CMTM8: variants seen among roughly 807,000 people sequenced by gnomAD.
CMTM8 encodes CKLF-like MARVEL transmembrane domain-containing protein 8.
CMTM8 carries 12 observed loss-of-function variants against 18.6 expected under a neutral mutation model. The observed-to-expected ratio is 0.65, with a 90% confidence interval of 0.41 to 1.05. CMTM8 has a LOEUF of 1.05. CMTM8 is among the 50% of genes least tolerant of loss of function. The pLI, the probability that CMTM8 is intolerant of heterozygous loss-of-function variation, is 0.00. For synonymous variants in CMTM8, 87 were observed against 90.6 expected (o/e 0.96, Z 0.23); for missense variants, 217 against 227.2 (o/e 0.95, Z 0.29).
chr3:32,296,855 G>T (rs1702888044), intron 1 of CMTM8, among the ~76,000 whole-genome samples: 1 of 152,046 alleles, frequency 6.6e-6, no homozygotes. Context: ...GCGGCAGACT[G>T]TGTGTTATTG....
At chr3:32,260,318 C>T in intron 1 of CMTM8, 1 of 651,692 alleles carries the variant, frequency 1.5e-6, no homozygotes, top group Non-Finnish European at 2.7e-6. Context: ...ATCTCGCTAA[C>T]AAAGCTAAAT....
At chr3:32,362,133 C>T (rs1037489052) in intron 2 of CMTM8, among the ~76,000 whole-genome samples, 12 of 147,560 alleles carry the variant, frequency 8.1e-5, no homozygotes, top group Non-Finnish European at 5.9e-5. Flanking sequence ...CTCCGCCTCC[C>T]GGGTTCAAAC....
At chr3:32,260,801 A>G (rs1215296710) in intron 1 of CMTM8, among the ~76,000 whole-genome samples, 1 of 152,084 alleles carries the variant, frequency 6.6e-6, no homozygotes, top group Non-Finnish European at 1.5e-5. Context: ...TATAACACAT[A>G]GATTAATTTT....
At chr3:32,297,048 A>T (rs963819421) in intron 1 of CMTM8, among the ~76,000 whole-genome samples, 1 of 152,216 alleles carries the variant, frequency 6.6e-6, no homozygotes, top group African/African-American at 2.4e-5. Context: ...AACAGAGAGA[A>T]AAACATCCCC....
At chr3:32,239,963 CA>C (rs1231197949) in intron 1 of CMTM8, among the ~76,000 whole-genome samples, 9 of 152,234 alleles carry the variant, frequency 5.9e-5, no homozygotes, top group African/African-American at 2.2e-4. Context: ...GATGGTGAAG[CA>C]TGGATTCAAA....
intron 1 of CMTM8, among the ~76,000 whole-genome samples, chr3:32,281,755 A>G (rs1363358690): frequency 6.6e-6 from 1 of 152,194 alleles, no homozygotes; most frequent in African/African-American, 2.4e-5. Flanking sequence ...CTGTTTTGCC[A>G]AGCCAAATGG....
intron 1 of CMTM8, among the ~76,000 whole-genome samples, chr3:32,310,177 C>G (rs887703289): frequency 6.6e-6 from 1 of 151,172 alleles, no homozygotes; most frequent in Non-Finnish European, 1.5e-5. Context: ...TTCTGTAAAT[C>G]GAATTTATCA....
intron 1 of CMTM8, among the ~76,000 whole-genome samples, chr3:32,277,969 T>C (rs533052180): frequency 1.3e-5 from 2 of 152,328 alleles, no homozygotes; most frequent in East Asian, 3.9e-4. Context: ...AAACTTGTTT[T>C]TCTGTCATGA....
In CMTM8 at chr3:32,259,468, T is replaced by C; in HGVS notation, c.147+20349T>C. ...AGACAGAACTGGCCATGTGCCAGTCTTTGGAGAATGACATTCATGGGCTCT... is the reference window on the plus strand; with the variant it reads ...AGACAGAACTGGCCATGTGCCAGTCCTTGGAGAATGACATTCATGGGCTCT... On this transcript the variant is annotated intron_variant, in intron 1 of 3. Transcript: ENST00000307526. 5.1e-6 allele frequency: 4 copies of C among 784,392 alleles called. No homozygotes were observed. In the Admixed American group the frequency reaches 6.8e-5, roughly 13 times the overall value. 48.6% of individuals were successfully genotyped at this position (784,392 alleles called of 1,614,324 possible). A position where few individuals can be genotyped will look rare whatever the true frequency, so the allele number is the denominator to read the frequency against.
intron 1 of CMTM8, among the ~76,000 whole-genome samples, chr3:32,254,833 A>G (rs1702156557): frequency 6.6e-6 from 1 of 152,162 alleles, no homozygotes; most frequent in Non-Finnish European, 1.5e-5. Context: ...AATCATCTAC[A>G]CTACAACTAC....
intron 1 of CMTM8, among the ~76,000 whole-genome samples, chr3:32,246,650 T>C (rs992297572): frequency 2.0e-5 from 3 of 152,222 alleles, no homozygotes; most frequent in African/African-American, 7.2e-5. Context: ...CACATAGTAT[T>C]CCATAAATAT....
At chr3:32,327,048 ATGGCTTCCTTAGTTGTCCTGGTGT>A (rs1696174026) in intron 1 of CMTM8, among the ~76,000 whole-genome samples, 9 of 151,954 alleles carry the variant, frequency 5.9e-5, no homozygotes, top group Admixed American at 3.3e-4. Flanking sequence ...GGCCTTGTGC[ATGGCTTCCTTAGTTGTCCTGGTGT>A]CCAGTAACCT....
intron 1 of CMTM8, among the ~76,000 whole-genome samples, chr3:32,347,337 C>G (rs1260822152): frequency 7.0e-6 from 1 of 143,334 alleles, no homozygotes; most frequent in Non-Finnish European, 1.5e-5. Context: ...TATAGACACT[C>G]TGTTTCTAGA....
intron 1 of CMTM8, among the ~76,000 whole-genome samples, chr3:32,258,708 A>G (rs563352793): frequency 6.6e-6 from 1 of 152,112 alleles, no homozygotes; most frequent in East Asian, 1.9e-4. Flanking sequence ...ATGGGGTCTC[A>G]GTTTGGTGCC....
intron 1 of CMTM8, among the ~76,000 whole-genome samples, chr3:32,331,705 T>TA (rs1242794003): frequency 2.6e-5 from 4 of 152,262 alleles, no homozygotes; most frequent in Admixed American, 6.5e-5. Context: ...TTATTCAGCC[T>TA]AAAAAAGGAA....
Position 32,367,873 on chromosome 3 carries a change from G to C in CMTM8, c.323G>C (p.Gly108Ala), listed in dbSNP as rs1697069124. The change falls in exon 3 of 4, where the codon GGC (glycine) becomes GCC (alanine). Residue 108 changes from glycine to alanine, a missense_variant and splice_region_variant. Gly to Ala is a moderately conservative substitution (Grantham distance 60). Coordinates refer to ENST00000307526, the MANE Select transcript of CMTM8 (RefSeq NM_178868.5). ...RIPQVPWTTV[G>A]LCFNGSAFVL... is the part of the protein sequence containing the mutation. ...CACTCTGCCCCTGTGTCCCCCCAGG[G>C]CCTGTGCTTTAACGGCAGTGCCTTC... 1 of 1,610,552 alleles carries C rather than the reference G, an allele frequency of 6.2e-7. No individual in the cohort carries two copies. The highest frequency in any genetic ancestry group is 1.3e-5 in the African/African-American group (1 of 74,804).
At chr3:32,342,109 G>C (rs1019607776) in intron 1 of CMTM8, among the ~76,000 whole-genome samples, 1 of 151,912 alleles carries the variant, frequency 6.6e-6, no homozygotes, top group Non-Finnish European at 1.5e-5. Flanking sequence ...TTAGCTGGGC[G>C]TGGTGGCATG....
chr3:32,262,453 G>A (rs1702271549), intron 1 of CMTM8, among the ~76,000 whole-genome samples: 1 of 152,166 alleles, frequency 6.6e-6, no homozygotes, highest in African/African-American at 2.4e-5. Flanking sequence ...AGAGGTGAGT[G>A]GATCCACATG....
intron 1 of CMTM8, among the ~76,000 whole-genome samples, chr3:32,245,121 G>T (rs1701992481): frequency 6.6e-6 from 1 of 152,024 alleles, no homozygotes. Context: ...TCTTTATCTG[G>T]GGATACAGGA....
Sources: gnomAD v4.1 joint callset for allele counts (sites outside exome capture counted in the v4.1 genomes callset) on GRCh38, gnomAD v4.1.1 for gene constraint, MANE v1.5 for transcripts, NCBI Gene and HGNC (gene_info 2026-07-23, HGNC 2026-07-21) for gene names.